Variants in ATP6V1A observed in about 807,000 individuals in gnomAD.
ATP6V1A encodes the protein ATPase H+ transporting V1 subunit A.
In ATP6V1A, 18 loss-of-function variants were observed where a neutral mutation model predicts 70.1. The ratio of observed to expected loss-of-function variants is 0.26; its 90% confidence interval spans 0.18 to 0.38. ATP6V1A has a LOEUF of 0.38. Ranked by LOEUF, ATP6V1A falls within the 10% of genes least tolerant of loss-of-function variation. The pLI is 1.00. For missense variants in ATP6V1A, 424 were observed against 772.4 expected, an observed-to-expected ratio of 0.55 and a Z score of 5.35; for synonymous variants, 232 against 253.8, an observed-to-expected ratio of 0.91 and a Z score of 0.82.
At chr3:113,796,402 G>T (rs1048813849) in intron 11 of ATP6V1A, among the ~76,000 whole-genome samples, 2 of 152,280 alleles carry the variant, frequency 1.3e-5, no homozygotes, top group African/African-American at 4.8e-5. Flanking sequence ...GCATCTAGCT[G>T]ACACAAGGGA....
In ATP6V1A at chr3:113,805,578, C is replaced by T. The variant is rs1709267324; in HGVS notation, c.1761+53C>T. 14 of 1,318,608 alleles carry T rather than the reference C, an allele frequency of 1.1e-5. No homozygotes were observed. In the Admixed American group the frequency reaches 1.3e-4, roughly 13 times the overall value. The allele number at this position is 1,318,608 out of a possible 1,614,324, so 81.7% of individuals were successfully genotyped here. A position where few individuals can be genotyped will look rare whatever the true frequency, so the allele number is the denominator to read the frequency against. On this transcript the variant is annotated intron_variant, in intron 14 of 14. Transcript: ENST00000273398. ...TTTATTTGGAAATGCTTCTTTTTTT[C>T]TTTTTTTTTTAGACAGAGTCTCACT... is the stretch of plus-strand genomic sequence containing the variant.
chr3:113,780,072 T>C (rs2108026391), intron 2 of ATP6V1A, among the ~76,000 whole-genome samples: 1 of 152,324 alleles, frequency 6.6e-6, no homozygotes, highest in African/African-American at 2.4e-5. Flanking sequence ...AATGGAACAA[T>C]GGCATCCTTT....
rs767071754 is a variant in ATP6V1A at position 113,798,349 on chromosome 3, A to T, written c.1397A>T (p.Asp466Val). ...ATGCGTGCCTTGGATGAATACTATG[A>T]CAAACACTTCACAGAGTTCGTTCCT... The part of the protein sequence containing the change: ...KYMRALDEYY[D>V]KHFTEFVPLR... The change falls in exon 12 of 15, where the codon GAC becomes GTC. Residue 466 changes from aspartate to valine, a missense_variant. By Grantham distance (152) the Asp-to-Val change is radical. Transcript: ENST00000273398. The T allele has an allele frequency of 1.9e-6, 3 of 1,614,028 alleles. No individual in the cohort carries two copies. Among genetic ancestry groups the T allele is most frequent in the Non-Finnish European group, 2.5e-6 (3 of 1,179,988 alleles).
At chr3:113,807,383 G>A (rs548921360) in intron 14 of ATP6V1A, among the ~76,000 whole-genome samples, 22 of 151,864 alleles carry the variant, frequency 1.4e-4, no homozygotes, top group African/African-American at 5.3e-4. Context: ...GTTTCTCTAT[G>A]TTGGCCAGGC....
At chr3:113,778,601 T>G (rs1284839911) in intron 1 of ATP6V1A, 140 bp from the exon 2 acceptor site, 2 of 447,536 alleles carry the variant, frequency 4.5e-6, no homozygotes, top group African/African-American at 4.1e-5. Flanking sequence ...AGGAATTTTT[T>G]TATTCTACTT....
rs541502534 is a variant in ATP6V1A at position 113,762,106 on chromosome 3, C to G, written c.-14+14993C>G. Among the ~76,000 whole-genome samples the G allele has an allele frequency of 1.5e-5, 2 of 130,306 alleles. 1 individual carries two copies. 85.5% of individuals were successfully genotyped at this position (130,306 alleles called of 152,430 possible). On this transcript the variant is annotated intron_variant, in intron 1 of 14. Transcript: ENST00000273398. ...GGCAGAGGTTGTGGTGAGCCAAGAT[C>G]GCGCCATTGCACTGCAGCCTGGGCA...
At chr3:113,750,533 A>C (rs550783759) in intron 1 of ATP6V1A, among the ~76,000 whole-genome samples, 1 of 152,288 alleles carries the variant, frequency 6.6e-6, no homozygotes, top group East Asian at 1.9e-4. Flanking sequence ...TAAAATGGTA[A>C]AGCAGTGTAG....
chr3:113,789,686 G>A (rs761502834), intron 7 of ATP6V1A, 46 bp from the exon 8 acceptor site: 2 of 1,403,992 alleles, frequency 1.4e-6, no homozygotes, highest in East Asian at 2.3e-5. Context: ...GGGCTAAAAT[G>A]TTACCTTAGA....
intron 1 of ATP6V1A, among the ~76,000 whole-genome samples, chr3:113,770,026 TGCTTTTA>T (rs1175223447): frequency 8.1e-5 from 10 of 123,720 alleles, no homozygotes; most frequent in African/African-American, 3.1e-4. Flanking sequence ...TAAGTATTCC[TGCTTTTA>T]TTTATTTATT....
intron 6 of ATP6V1A, among the ~76,000 whole-genome samples, chr3:113,786,871 G>A (rs967384449): frequency 6.6e-6 from 1 of 151,612 alleles, no homozygotes; most frequent in African/African-American, 2.4e-5. Flanking sequence ...CTGCCTCCCA[G>A]CTCAAGCAAT....
intron 12 of ATP6V1A, chr3:113,801,070 AC>A (rs1311599805): frequency 6.6e-6 from 1 of 152,148 alleles, no homozygotes; most frequent in Non-Finnish European, 1.5e-5. Context: ...TGTGATGATC[AC>A]TTGAGCTCAG....
At chr3:113,805,299 T>C (rs1709262723) in intron 13 of ATP6V1A, 55 bp from the exon 14 acceptor site, 3 of 1,529,754 alleles carry the variant, frequency 2.0e-6, no homozygotes, top group Non-Finnish European at 2.7e-6. Flanking sequence ...ATATAAAGTA[T>C]GAACCTGTTT....
chr3:113,753,693 C>CTTTTT lies in ATP6V1A; in HGVS notation c.-14+6593_-14+6597dup, dbSNP rs11375661. 9.2e-5 allele frequency among the ~76,000 whole-genome samples: 13 copies of CTTTTT among 141,098 alleles called. 1 individual carries two copies. Among genetic ancestry groups the CTTTTT allele is most frequent in the Non-Finnish European group, 7.7e-5 (5 of 64,768 alleles). The allele number at this position is 141,098 out of a possible 152,430, so 92.6% of individuals were successfully genotyped here. A position where few individuals can be genotyped will look rare whatever the true frequency, so the allele number is the denominator to read the frequency against. ...TTCTGAAAGGATTTCTATCATGTGT[C>CTTTTT]TTTTTTTTTTTTTTTTTCCTGAGAC... On this transcript the variant is annotated intron_variant, in intron 1 of 14. Transcript: ENST00000273398.
At chr3:113,796,009 C>A (rs1189167690) in intron 11 of ATP6V1A, 70 bp downstream of exon 11, 2 of 1,283,826 alleles carry the variant, frequency 1.6e-6, no homozygotes, top group Non-Finnish European at 2.2e-6. Context: ...TGTTCTAATG[C>A]GATCTAATGT....
chr3:113,807,144 A>G (rs1032836017), intron 14 of ATP6V1A, among the ~76,000 whole-genome samples: 2 of 151,318 alleles, frequency 1.3e-5, no homozygotes, highest in African/African-American at 4.9e-5. Context: ...TTTGATACGG[A>G]TATACACGGT....
intron 14 of ATP6V1A, 23 bp downstream of exon 14, chr3:113,805,548 C>T: frequency 6.4e-7 from 1 of 1,572,944 alleles, no homozygotes; most frequent in South Asian, 1.2e-5. Context: ...TCTGCTGTAA[C>T]TTTTTTTATT....
chr3:113,795,321 T>C, intron 10 of ATP6V1A, 117 bp downstream of exon 10: 1 of 1,148,160 alleles, frequency 8.7e-7, no homozygotes, highest in Non-Finnish European at 1.2e-6. Flanking sequence ...GAGCAGCGGT[T>C]CTTAAGGAGG....
At chr3:113,793,096 G>T (rs1709114121) in intron 8 of ATP6V1A, among the ~76,000 whole-genome samples, 1 of 151,928 alleles carries the variant, frequency 6.6e-6, no homozygotes, top group African/African-American at 2.4e-5. Flanking sequence ...GTCTCACTCA[G>T]TCACCCAGGC....
intron 1 of ATP6V1A, among the ~76,000 whole-genome samples, chr3:113,760,895 T>C (rs1172821810): frequency 2.0e-5 from 3 of 151,626 alleles, no homozygotes; most frequent in Non-Finnish European, 2.9e-5. Flanking sequence ...GGTGAAACTC[T>C]GTCTCTACTA....
Sources: allele counts gnomAD v4.1 joint callset (sites outside exome capture counted in the v4.1 genomes callset), GRCh38; gene constraint gnomAD v4.1.1; transcripts MANE v1.5; gene names NCBI Gene and HGNC (gene_info 2026-07-23, HGNC 2026-07-21).